ADARB2: variants seen among roughly 807,000 people sequenced by gnomAD.
The protein encoded by ADARB2 is adenosine deaminase RNA specific B2 (inactive).
In ADARB2, 25 loss-of-function variants were observed where a neutral mutation model predicts 62.2. The observed-to-expected ratio is 0.40, with a 90% CI of 0.29 to 0.56. The LOEUF is 0.56. Ranked by LOEUF, ADARB2 falls within the 20% of genes least tolerant of loss-of-function variation. The probability of loss-of-function intolerance (pLI) is 0.43; values close to 1 mark genes in which losing one functional copy is unlikely to be tolerated. For missense variants in ADARB2, 1,071 were observed against 1,077.4 expected (o/e 0.99, Z 0.08); for synonymous variants, 572 against 500.8 (o/e 1.14, Z -1.90).
chr10:1,479,662 G>A (rs1420203783), intron 1 of ADARB2, among the ~76,000 whole-genome samples: 7 of 152,162 alleles, frequency 4.6e-5, no homozygotes, highest in Admixed American at 6.5e-5. Context: ...GAGGGGTGGC[G>A]GCTCCAACAT....
At chr10:1,189,624 G>A (rs1007936324) in intron 8 of ADARB2, among the ~76,000 whole-genome samples, 1 of 152,000 alleles carries the variant, frequency 6.6e-6, no homozygotes, top group Non-Finnish European at 1.5e-5. Context: ...AAGGACAGAG[G>A]GTGTCTGCAG....
At chr10:1,438,151 G>A (rs543976774) in intron 1 of ADARB2, among the ~76,000 whole-genome samples, 81 of 152,300 alleles carry the variant, frequency 5.3e-4, no homozygotes, top group African/African-American at 1.7e-3. Context: ...GACAGAGCAG[G>A]TCCTTCACTA....
chr10:1,613,799 G>A (rs774040359), intron 1 of ADARB2, among the ~76,000 whole-genome samples: 3 of 152,314 alleles, frequency 2.0e-5, no homozygotes, highest in East Asian at 3.9e-4. Context: ...ATGGTGAGCC[G>A]AAAGCCCGCA....
chr10:1,625,779 C>G (rs1022590818), intron 1 of ADARB2, among the ~76,000 whole-genome samples: 20 of 144,100 alleles, frequency 1.4e-4, no homozygotes, highest in African/African-American at 5.0e-4. Flanking sequence ...GCCTGCCCGA[C>G]CCCTCTCACC....
intron 3 of ADARB2, among the ~76,000 whole-genome samples, chr10:1,350,086 T>G (rs755459584): frequency 2.0e-5 from 3 of 152,212 alleles, no homozygotes; most frequent in Non-Finnish European, 4.4e-5. Context: ...CGTCTTATTT[T>G]CTTCTGCAAC....
chr10:1,223,730 G>A (rs1352920726), intron 6 of ADARB2, among the ~76,000 whole-genome samples: 2 of 152,182 alleles, frequency 1.3e-5, no homozygotes, highest in Admixed American at 1.3e-4. Flanking sequence ...TACGTTTATT[G>A]ATTTTCGTAT....
intron 1 of ADARB2, among the ~76,000 whole-genome samples, chr10:1,566,625 G>A (rs979929601): frequency 2.0e-5 from 3 of 152,226 alleles, no homozygotes; most frequent in African/African-American, 7.2e-5. Flanking sequence ...GATTCAATGA[G>A]AGAAATTGCA....
intron 1 of ADARB2, among the ~76,000 whole-genome samples, chr10:1,511,824 C>T (rs1247207420): frequency 6.6e-6 from 1 of 151,644 alleles, no homozygotes. Context: ...ATGCTGTCTA[C>T]ACTGGATACT....
At chr10:1,356,328 A>G (rs1259721028) in intron 3 of ADARB2, among the ~76,000 whole-genome samples, 1 of 152,256 alleles carries the variant, frequency 6.6e-6, no homozygotes, top group Non-Finnish European at 1.5e-5. Context: ...TGATGTGGCC[A>G]CAGGCGCATG....
chr10:1,516,529 TGGGCTGCTCTGCTCTGTGC>T (rs964278544), intron 1 of ADARB2, among the ~76,000 whole-genome samples: 10 of 151,330 alleles, frequency 6.6e-5, no homozygotes, highest in Non-Finnish European at 1.3e-4. Flanking sequence ...CTGTGCTGTG[TGGGCTGCTCTGCTCTGTGC>T]GGGCTGCTGT....
At chr10:1,483,525 AT>A (rs145167073) in intron 1 of ADARB2, among the ~76,000 whole-genome samples, 3,537 of 151,534 alleles carry the variant, frequency 0.023, 124 homozygotes, top group African/African-American at 0.081. Context: ...TTTCAAGAGC[AT>A]TTTTTTTTCC....
chr10:1,711,277 A>G (rs1834946345), intron 1 of ADARB2, among the ~76,000 whole-genome samples: 5 of 151,964 alleles, frequency 3.3e-5, no homozygotes, highest in Admixed American at 2.6e-4. Flanking sequence ...GTGAGAACAA[A>G]CTCAAGGTCT....
intron 1 of ADARB2, among the ~76,000 whole-genome samples, chr10:1,465,052 C>A (rs114474732): frequency 6.6e-6 from 1 of 152,208 alleles, no homozygotes; most frequent in Non-Finnish European, 1.5e-5. Flanking sequence ...TGGGATGAAA[C>A]ACGACCCAGC....
chr10:1,370,105 T>C (rs113351710), intron 2 of ADARB2, among the ~76,000 whole-genome samples: 7,624 of 152,316 alleles, frequency 0.05, 246 homozygotes, highest in South Asian at 0.12. Context: ...TAATTCATCA[T>C]GATCAAGGGG....
At chr10:1,403,351 G>C (rs1832681178) in intron 1 of ADARB2, among the ~76,000 whole-genome samples, 1 of 152,194 alleles carries the variant, frequency 6.6e-6, no homozygotes. Flanking sequence ...GTCTCTTTCA[G>C]TCATTGCGGG....
At chr10:1,510,635 C>T (rs190786424) in intron 1 of ADARB2, among the ~76,000 whole-genome samples, 5 of 152,260 alleles carry the variant, frequency 3.3e-5, no homozygotes, top group African/African-American at 4.8e-5. Context: ...TATCTGGAGA[C>T]CTTGGAGATG....
At chr10:1,380,635 G>C (rs184949889) in intron 1 of ADARB2, among the ~76,000 whole-genome samples, 1 of 152,276 alleles carries the variant, frequency 6.6e-6, no homozygotes, top group Admixed American at 6.5e-5. Flanking sequence ...AAATTCATTC[G>C]GGAGCCTGTT....
rs71379110 is a variant in ADARB2, at chr10:1,327,747, T to TCC, written c.1077+35280_1077+35281insGG. ...TCAGCACCTCCCACGGCACAGCGCC[T>TCC]CACTGCACAGCGCCTCCTCACAGCT... On this transcript the variant is annotated intron_variant, in intron 3 of 9. Transcript: ENST00000381312. Among the ~76,000 whole-genome samples the TCC allele has an allele frequency of 3.2e-5, 2 of 62,496 alleles. 1 individual carries two copies. Among genetic ancestry groups the TCC allele is most frequent in the East Asian group, 8.9e-4 (2 of 2,238 alleles). The allele number at this position is 62,496 out of a possible 152,430, so 41.0% of individuals were successfully genotyped here. A position where few individuals can be genotyped will look rare whatever the true frequency, so the allele number is the denominator to read the frequency against.
intron 3 of ADARB2, among the ~76,000 whole-genome samples, chr10:1,315,324 A>G (rs1831728874): frequency 6.6e-6 from 1 of 152,140 alleles, no homozygotes; most frequent in Non-Finnish European, 1.5e-5. Flanking sequence ...ATGGCTTCCA[A>G]GGTTTCCGCC....
Sources: allele counts gnomAD v4.1 joint callset (sites outside exome capture counted in the v4.1 genomes callset), GRCh38; gene constraint gnomAD v4.1.1; transcripts MANE v1.5; gene names NCBI Gene and HGNC (gene_info 2026-07-23, HGNC 2026-07-21).